The following PRKCQ variants were observed in gnomAD, a reference collection of about 807,000 sequenced individuals.
PRKCQ encodes the protein protein kinase C theta type.
A neutral mutation model predicts 91.2 loss-of-function variants in PRKCQ; 41 were observed. The observed-to-expected ratio is 0.45, with a 90% CI of 0.35 to 0.58. The LOEUF is 0.58. Ranked by LOEUF, PRKCQ falls within the 20% of genes least tolerant of loss-of-function variation. PRKCQ has a pLI of 0.00. For missense variants in PRKCQ, 673 were observed against 896.5 expected (o/e 0.75, Z 3.18); for synonymous variants, 307 against 316.9 (o/e 0.97, Z 0.33).
chr10:6,509,854 C>T (rs1001575256), intron 3 of PRKCQ, among the ~76,000 whole-genome samples: 2 of 152,162 alleles, frequency 1.3e-5, no homozygotes, highest in African/African-American at 4.8e-5. Flanking sequence ...TTTAGTGATA[C>T]GAGCAAAGAT....
intron 1 of PRKCQ, among the ~76,000 whole-genome samples, chr10:6,564,208 GCAAT>G (rs1168839025): frequency 6.6e-6 from 1 of 152,172 alleles, no homozygotes; most frequent in Non-Finnish European, 1.5e-5. Context: ...GGGGAGTGCA[GCAAT>G]CATTTTCGTT....
rs113606747 is a variant in PRKCQ at position 6,517,582 on chromosome 10, T to C, written c.-9-2438A>G. ...GCCAGAAAAAAATGCATCTTTAAGA[T>C]AGCATCTTTTTTTTTTTTTTTTTTT... On this transcript the variant is annotated intron_variant, in intron 1 of 17. Transcript: ENST00000263125. 2.2e-3 allele frequency among the ~76,000 whole-genome samples: 298 copies of C among 134,352 alleles called. 2 individuals are homozygous for C. Among genetic ancestry groups the C allele is most frequent in the South Asian group, 0.015 (63 of 4,304 alleles). The allele number at this position is 134,352 out of a possible 152,430, so 88.1% of individuals were successfully genotyped here.
At chr10:6,508,486 TA>T (rs1444549374) in intron 3 of PRKCQ, among the ~76,000 whole-genome samples, 13 of 152,238 alleles carry the variant, frequency 8.5e-5, no homozygotes, top group African/African-American at 3.1e-4. Context: ...AAAACAGACA[TA>T]ATAGCAATGC....
intron 12 of PRKCQ, among the ~76,000 whole-genome samples, chr10:6,477,193 T>C (rs1421679390): frequency 1.3e-5 from 2 of 152,228 alleles, no homozygotes; most frequent in African/African-American, 4.8e-5. Flanking sequence ...TCTGGTACTT[T>C]GTGTCTGCCT....
intron 12 of PRKCQ, among the ~76,000 whole-genome samples, chr10:6,470,817 G>A (rs1001977009): frequency 6.6e-6 from 1 of 152,094 alleles, no homozygotes; most frequent in East Asian, 1.9e-4. Context: ...CAGGCATGGT[G>A]GCACACACCT....
intron 15 of PRKCQ, among the ~76,000 whole-genome samples, chr10:6,443,803 G>C (rs904763793): frequency 1.3e-5 from 2 of 152,130 alleles, no homozygotes; most frequent in African/African-American, 4.8e-5. Context: ...AGCCAGGCAG[G>C]GAAAGACAAA....
intron 1 of PRKCQ, among the ~76,000 whole-genome samples, chr10:6,526,422 T>C (rs935272907): frequency 1.7e-4 from 26 of 151,880 alleles, no homozygotes; most frequent in Non-Finnish European, 2.6e-4. Context: ...AAGAATATAA[T>C]ATGAAATACA....
At chr10:6,419,624 T>A in the PRKCQ span, among the ~76,000 whole-genome samples, 1 of 152,124 alleles carries the variant, frequency 6.6e-6, no homozygotes, top group African/African-American at 2.4e-5. Context: ...AAAATAGTTA[T>A]TAATATGCTT....
chr10:6,535,785 C>T (rs750074497), intron 1 of PRKCQ, among the ~76,000 whole-genome samples: 2 of 152,146 alleles, frequency 1.3e-5, no homozygotes, highest in African/African-American at 4.8e-5. Context: ...GGACAGATCC[C>T]GATTACAGTC....
At position 6,511,097 on chromosome 10, in the gene PRKCQ, G is replaced by A. The variant is rs1838451514; in HGVS notation, c.216C>T (p.Ile72=). The stretch of plus-strand genomic sequence containing the variant: ...GGTCCACGTTTTTGCCTTTCACAAT[G>A]ATCTGCATGACTCTTCCCTTGTTGA... ...AHINKGRVMQ[I]IVKGKNVDLI... Residue 72 remains isoleucine, a synonymous_variant, in exon 3 of 18, where the codon ATC becomes ATT. Transcript: ENST00000263125. 1 of 1,614,050 alleles carries A rather than the reference G, an allele frequency of 6.2e-7. No homozygotes were observed. Among genetic ancestry groups the A allele is most frequent in the African/African-American group, 1.3e-5 (1 of 74,912 alleles).
At chr10:6,522,877 C>T (rs907078613) in intron 1 of PRKCQ, among the ~76,000 whole-genome samples, 2 of 152,134 alleles carry the variant, frequency 1.3e-5, no homozygotes, top group African/African-American at 4.8e-5. Flanking sequence ...ATTTGGTAAA[C>T]ATCAATTCAG....
the PRKCQ span, among the ~76,000 whole-genome samples, chr10:6,395,294 G>C: frequency 0.14 from 20,736 of 151,350 alleles, 3,738 homozygotes; most frequent in African/African-American, 0.42. Flanking sequence ...TCGATCTCCT[G>C]ACCTCGTGAT....
intron 8 of PRKCQ, among the ~76,000 whole-genome samples, chr10:6,487,814 A>G (rs955990517): frequency 6.6e-6 from 1 of 152,070 alleles, no homozygotes; most frequent in Non-Finnish European, 1.5e-5. Flanking sequence ...CCTGGCCAAC[A>G]TGGTGAAACC....
rs368682968 is a variant in PRKCQ, at chr10:6,439,430, C to G, written c.1836+2463G>C. 4.6e-5 allele frequency among the ~76,000 whole-genome samples: 7 copies of G among 152,218 alleles called. No individual in the cohort carries two copies. In the East Asian group the frequency reaches 9.7e-4, roughly 21 times the overall value. ...GTAGGTATTTTAAGTGCAATTGACCCTTGATGAACCTGGATTTGAACTGCA... is the reference window on the plus strand; with the variant it reads ...GTAGGTATTTTAAGTGCAATTGACCGTTGATGAACCTGGATTTGAACTGCA... On this transcript the variant is annotated intron_variant, in intron 16 of 17. Coordinates refer to ENST00000263125, the MANE Select transcript of PRKCQ (RefSeq NM_006257.5).
chr10:6,413,093 C>T, the PRKCQ span, among the ~76,000 whole-genome samples: 1 of 152,128 alleles, frequency 6.6e-6, no homozygotes. Flanking sequence ...GCTGGGACTA[C>T]AGGCACCCGC....
intron 1 of PRKCQ, among the ~76,000 whole-genome samples, chr10:6,549,624 C>A (rs1189835664): frequency 8.0e-6 from 1 of 124,412 alleles, no homozygotes. Flanking sequence ...TAAAATTCAT[C>A]TTTTTTTTTT....
the PRKCQ span, among the ~76,000 whole-genome samples, chr10:6,412,956 A>AT: frequency 0.53 from 80,170 of 151,584 alleles, 21,656 homozygotes; most frequent in African/African-American, 0.62. Context: ...TTTATTTTTT[A>AT]TTTTTATTTT....
At chr10:6,409,354 G>A in the PRKCQ span, among the ~76,000 whole-genome samples, 1 of 152,150 alleles carries the variant, frequency 6.6e-6, no homozygotes. Context: ...GAGTGTAATG[G>A]CACGATCTCG....
chr10:6,537,563 A>T (rs1564380720), intron 1 of PRKCQ, among the ~76,000 whole-genome samples: 1 of 152,156 alleles, frequency 6.6e-6, no homozygotes, highest in Non-Finnish European at 1.5e-5. Flanking sequence ...ATCTATTCTG[A>T]AAGCATTCAC....
Sources: gnomAD v4.1 joint callset for allele counts (sites outside exome capture counted in the v4.1 genomes callset) on GRCh38, gnomAD v4.1.1 for gene constraint, MANE v1.5 for transcripts, NCBI Gene and HGNC (gene_info 2026-07-23, HGNC 2026-07-21) for gene names.